The following IQGAP3 variants were observed in gnomAD, a reference collection of about 807,000 sequenced individuals.
The protein encoded by IQGAP3 is IQ motif containing GTPase activating protein 3, also known as ras GTPase-activating-like protein IQGAP3.
In IQGAP3, 165 loss-of-function variants were observed where a neutral mutation model predicts 208.2. That is an observed-to-expected ratio of 0.79 (90% confidence interval 0.70 to 0.90). The LOEUF (loss-of-function observed/expected upper bound fraction) is 0.90. Ranked by LOEUF, IQGAP3 falls within the 40% of genes least tolerant of loss-of-function variation. The pLI is 0.00. For missense variants in IQGAP3, 1,811 were observed against 2,043.1 expected, an observed-to-expected ratio of 0.89 and a Z score of 2.19; for synonymous variants, 703 against 803.6, an observed-to-expected ratio of 0.87 and a Z score of 2.12.
chr1:156,567,094 C>T (rs568239442), intron 2 of IQGAP3, among the ~76,000 whole-genome samples: 4 of 152,156 alleles, frequency 2.6e-5, no homozygotes, highest in South Asian at 2.1e-4. Flanking sequence ...CTCAAACTCC[C>T]GACCTCAGGT....
rs749818611 is a variant in IQGAP3 at position 156,556,610 on chromosome 1, C to T, written c.1213G>A (p.Ala405Thr). 2 of 1,612,994 alleles carry T rather than the reference C, an allele frequency of 1.2e-6. No homozygotes were observed. The highest frequency in any genetic ancestry group is 1.3e-5 in the African/African-American group (1 of 74,946). Residue 405 changes from alanine (A) to threonine (T), a missense_variant, in exon 12 of 38, where the codon GCC becomes ACC. By Grantham distance (58) the Ala-to-Thr change is moderately conservative. Coordinates refer to ENST00000361170, the MANE Select transcript of IQGAP3 (RefSeq NM_178229.5). ...ACAGGGTACACTGGAGGCAGCTGGG[C>T]CTCAGGGCACATCAGCTCCTTCACA... The part of the protein sequence containing the change: ...DTVKELMCPE[A>T]QLPPVYPVAS...
chr1:156,564,193 G>A (rs1420608410), intron 5 of IQGAP3, among the ~76,000 whole-genome samples: 1 of 152,114 alleles, frequency 6.6e-6, no homozygotes, highest in Non-Finnish European at 1.5e-5. Context: ...GAGATGGCAT[G>A]GTAAACACAA....
chr1:156,539,899 G>A lies in IQGAP3; in HGVS notation c.2831C>T (p.Ser944Leu), dbSNP rs748927978. Residue 944 changes from serine (S) to leucine (L), a missense_variant, in exon 24 of 38, where the codon TCG becomes TTG. Coordinates refer to ENST00000361170, the MANE Select transcript of IQGAP3 (RefSeq NM_178229.5). ...TTTCTGCCGTTTCTCTTTGCTCAGC[G>A]ACTTTAAACCCTTCTGCTTGTCCAG... Reference protein sequence around the residue: ...MVLDKQKGLKSLSKEKRQKLE... With the variant: ...MVLDKQKGLKLLSKEKRQKLE... 1.3e-5 allele frequency: 21 copies of A among 1,613,982 alleles called. No homozygotes were observed. The South Asian group carries it at 1.8e-4, about 14-fold the overall frequency.
chr1:156,562,741 C>T, intron 8 of IQGAP3, 76 bp from the exon 9 acceptor site: 1 of 1,275,508 alleles, frequency 7.8e-7, no homozygotes, highest in Non-Finnish European at 1.1e-6. Flanking sequence ...TGCCTGGCTA[C>T]ACTTATTTCT....
chr1:156,547,805 C>T (rs978174483), intron 19 of IQGAP3, among the ~76,000 whole-genome samples: 3 of 152,192 alleles, frequency 2.0e-5, no homozygotes, highest in African/African-American at 7.2e-5. Flanking sequence ...TAGGTGCTAT[C>T]GTTATCCCCA....
intron 22 of IQGAP3, among the ~76,000 whole-genome samples, chr1:156,543,197 G>T (rs1675069315): frequency 6.6e-6 from 1 of 152,126 alleles, no homozygotes; most frequent in Admixed American, 6.5e-5. Context: ...GCTGGGGATA[G>T]GGAAGGAGAG....
intron 22 of IQGAP3, among the ~76,000 whole-genome samples, chr1:156,541,348 G>GGCCTGCT (rs1379345423): frequency 8.6e-5 from 13 of 152,018 alleles, no homozygotes; most frequent in African/African-American, 3.1e-4. Context: ...TGCTCCCACA[G>GGCCTGCT]TGCTCCTCTG....
At chr1:156,536,225 G>A (rs1674675821) in intron 27 of IQGAP3, among the ~76,000 whole-genome samples, 1 of 152,136 alleles carries the variant, frequency 6.6e-6, no homozygotes, top group East Asian at 1.9e-4. Flanking sequence ...GGGCATTCCA[G>A]CCTGGGCAAT....
rs753727497 is a variant in IQGAP3 at position 156,531,190 on chromosome 1, C to G, written c.4161G>C (p.Glu1387Asp). Residue 1387 changes from glutamate (E) to aspartate (D), a missense_variant, in exon 33 of 38, where the codon GAG becomes GAC. Glu to Asp is a conservative substitution (Grantham distance 45). Transcript: ENST00000361170. ...CTCTGGAAGCCGAGAGGGACAGGAT[C>G]TCCTTGAGGGTGTCCCCAGGATGGA... is the stretch of plus-strand genomic sequence containing the variant. ...IQFHPGDTLK[E>D]ILSLSASREQ... The G allele has an allele frequency of 5.6e-6, 9 of 1,613,922 alleles. No homozygotes were observed. The South Asian group carries it at 8.8e-5, about 16-fold the overall frequency.
chr1:156,540,674 A>T (rs1456513731), intron 23 of IQGAP3, 34 bp downstream of exon 23: 1 of 1,571,256 alleles, frequency 6.4e-7, no homozygotes, highest in Admixed American at 1.7e-5. Flanking sequence ...AGGCAGGCAG[A>T]TCTCGGGGAG....
Position 156,551,756 on chromosome 1 carries a change from G to A in IQGAP3, c.1683C>T (p.Val561=), listed in dbSNP as rs769340199. 5.0e-5 allele frequency: 80 copies of A among 1,613,826 alleles called. No homozygotes were observed. The highest frequency in any genetic ancestry group is 6.4e-5 in the Non-Finnish European group (76 of 1,180,006). The change falls in exon 15 of 38, where the codon GTC becomes GTT. Residue 561 remains valine (V), a synonymous_variant. Coordinates refer to ENST00000361170, the MANE Select transcript of IQGAP3 (RefSeq NM_178229.5). ...AAGLDDVSLP[V]APRYHLLLVA... Reference sequence around the variant, plus strand: ...CAAGGAGGAGATGGTACCGAGGGGCGACAGGGAGGCTGACATCATCTAGGC... The same window carrying A: ...CAAGGAGGAGATGGTACCGAGGGGCAACAGGGAGGCTGACATCATCTAGGC...
chr1:156,535,826 C>G (rs2102370519), intron 27 of IQGAP3, among the ~76,000 whole-genome samples: 1 of 152,296 alleles, frequency 6.6e-6, no homozygotes, highest in Non-Finnish European at 1.5e-5. Flanking sequence ...ATTTCCTTCT[C>G]CTTTGTAAGT....
At position 156,534,047 on chromosome 1, in the gene IQGAP3, C is replaced by T; in HGVS notation, c.3835G>A (p.Val1279Met). 1 of 1,614,044 alleles carries T rather than the reference C, an allele frequency of 6.2e-7. No homozygotes were observed. Among genetic ancestry groups the T allele is most frequent in the South Asian group, 1.1e-5 (1 of 91,084 alleles). Residue 1279 changes from valine (V) to methionine (M), a missense_variant, in exon 30 of 38, where the codon GTG becomes ATG. Transcript: ENST00000361170. ...ACCAGCTCCCCCACGGTGATGTACA[C>T]CATGGGTTTGGCCACAGCCACCATG... is the stretch of plus-strand genomic sequence containing the variant. ...SDMVAVAKPM[V>M]YITVGELVNT... is the part of the protein sequence containing the mutation.
rs1464962409 is a variant in IQGAP3 at position 156,534,037 on chromosome 1, G to A, written c.3845C>T (p.Thr1282Ile). Reference protein sequence around the residue: ...VAVAKPMVYITVGELVNTHRL... With the variant: ...VAVAKPMVYIIVGELVNTHRL... ...GTGCGTGTTGACCAGCTCCCCCACG[G>A]TGATGTACACCATGGGTTTGGCCAC... The change falls in exon 30 of 38, where the codon ACC (threonine) becomes ATC (isoleucine). Residue 1282 changes from threonine to isoleucine, a missense_variant. Coordinates refer to ENST00000361170, the MANE Select transcript of IQGAP3 (RefSeq NM_178229.5). 6.2e-7 allele frequency: 1 copy of A among 1,613,888 alleles called. No homozygotes were observed. The highest frequency in any genetic ancestry group is 8.5e-7 in the Non-Finnish European group (1 of 1,180,024).
chr1:156,531,139 T>C, intron 33 of IQGAP3, 21 bp downstream of exon 33: 1 of 1,570,432 alleles, frequency 6.4e-7, no homozygotes, highest in African/African-American at 1.3e-5. Flanking sequence ...ACAGAACCTG[T>C]GGGCCAGCCC....
In IQGAP3 at chr1:156,552,924, A is replaced by AG. The variant is rs543269950; in HGVS notation, c.1449-830_1449-829insC. Among the ~76,000 whole-genome samples, 12 of 152,306 alleles carry AG rather than the reference A, an allele frequency of 7.9e-5. No individual in the cohort carries two copies. In the South Asian group the frequency reaches 2.5e-3, roughly 32 times the overall value. ...TCCTATCTCTACAAAAAATTAAAAA[A>AG]TTAGCCAGGCATGGTGGCATGTGCC... On this transcript the variant is annotated intron_variant, in intron 13 of 37. Coordinates refer to ENST00000361170, the MANE Select transcript of IQGAP3 (RefSeq NM_178229.5).
At position 156,548,750 on chromosome 1, in the gene IQGAP3, T is replaced by C. The variant is rs1675400749; in HGVS notation, c.1826-2A>G. On this transcript the variant is annotated splice_acceptor_variant, in intron 16 of 37. Transcript: ENST00000361170. LOFTEE classifies it high-confidence loss of function. ...TGATGGCAGCCACACCAAGAGCCAC[T>C]GACAGGGGCATCAGGAGAGAGCAGT... 2 of 1,565,146 alleles carry C rather than the reference T, an allele frequency of 1.3e-6. No homozygotes were observed. Among genetic ancestry groups the C allele is most frequent in the Non-Finnish European group, 1.7e-6 (2 of 1,153,874 alleles).
intron 27 of IQGAP3, 28 bp downstream of exon 27, chr1:156,537,153 T>C: frequency 6.2e-7 from 1 of 1,604,016 alleles, no homozygotes; most frequent in African/African-American, 1.3e-5. Flanking sequence ...ATCCCATGCG[T>C]AGGCTGGGGT....
Position 156,530,236 on chromosome 1 carries a change from G to C in IQGAP3, c.4273C>G (p.Leu1425Val), listed in dbSNP as rs764537559. 6.2e-7 allele frequency: 1 copy of C among 1,613,092 alleles called. No individual in the cohort carries two copies. The highest frequency in any genetic ancestry group is 1.3e-5 in the African/African-American group (1 of 74,940). The stretch of plus-strand genomic sequence containing the variant: ...AGTGGCAGGAGGGAGTGAGCTGTCA[G>C]TGAGCGGTGTCGTCGCAGTGGCTCC... ...TPEPLRRHRSLTAHSLLPLAE... is the reference protein window; with the variant it reads ...TPEPLRRHRSVTAHSLLPLAE... The change falls in exon 34 of 38, where the codon CTG (leucine) becomes GTG (valine). Residue 1425 changes from leucine to valine, a missense_variant. By Grantham distance (32) the Leu-to-Val change is conservative (BLOSUM62 1). Transcript: ENST00000361170.
Sources: allele counts gnomAD v4.1 joint callset (sites outside exome capture counted in the v4.1 genomes callset), GRCh38; gene constraint gnomAD v4.1.1; transcripts MANE v1.5; gene names NCBI Gene and HGNC (gene_info 2026-07-23, HGNC 2026-07-21).